Variants in TBC1D8 observed in about 807,000 individuals in gnomAD.
The protein encoded by TBC1D8 is BUB2-like protein 1.
In TBC1D8, 65 loss-of-function variants were observed where a neutral mutation model predicts 118.8. The ratio of observed to expected loss-of-function variants is 0.55; its 90% confidence interval spans 0.45 to 0.67. The LOEUF (loss-of-function observed/expected upper bound fraction) is 0.67. Ranked by LOEUF, TBC1D8 falls within the 30% of genes least tolerant of loss-of-function variation. The pLI is 0.00. For synonymous variants in TBC1D8, 566 were observed against 595.8 expected (o/e 0.95, Z 0.73); for missense variants, 1,376 against 1,471.2 (o/e 0.94, Z 1.06).
chr2:101,099,530 T>C (rs147739993), intron 1 of TBC1D8, among the ~76,000 whole-genome samples: 1,538 of 152,252 alleles, frequency 0.01, 18 homozygotes, highest in Non-Finnish European at 0.015. Flanking sequence ...ATCATCCTGA[T>C]ACCAAAACCA....
intron 5 of TBC1D8, among the ~76,000 whole-genome samples, chr2:101,041,114 T>C (rs901226190): frequency 1.3e-5 from 2 of 152,248 alleles, no homozygotes; most frequent in Admixed American, 6.5e-5. Context: ...GGTGTGGTCA[T>C]GTTGGTAAAC....
At chr2:101,117,072 TG>T (rs1336870902) in intron 1 of TBC1D8, among the ~76,000 whole-genome samples, 1 of 151,964 alleles carries the variant, frequency 6.6e-6, no homozygotes, top group African/African-American at 2.4e-5. Flanking sequence ...CACTGTGTGA[TG>T]ACTGAGGCAG....
intron 3 of TBC1D8, 41 bp downstream of exon 3, chr2:101,059,380 G>C: frequency 6.8e-7 from 1 of 1,479,430 alleles, no homozygotes; most frequent in South Asian, 1.1e-5. Flanking sequence ...AAGGAAGAAA[G>C]ATGGAAAGAT....
chr2:101,100,858 C>G (rs1012930939), intron 1 of TBC1D8, among the ~76,000 whole-genome samples: 1 of 152,120 alleles, frequency 6.6e-6, no homozygotes, highest in Non-Finnish European at 1.5e-5. Context: ...GAAACTGGAC[C>G]CCTTCCTTAC....
At chr2:101,017,074 TAAAAA>T (rs376317331) in intron 17 of TBC1D8, among the ~76,000 whole-genome samples, 5 of 133,020 alleles carry the variant, frequency 3.8e-5, no homozygotes, top group Non-Finnish European at 6.6e-5. Context: ...TTAAAAGTAT[TAAAAA>T]AAAAAAAAAA....
At chr2:101,079,086 A>G (rs1299950055) in intron 2 of TBC1D8, among the ~76,000 whole-genome samples, 1 of 152,176 alleles carries the variant, frequency 6.6e-6, no homozygotes, top group Non-Finnish European at 1.5e-5. Flanking sequence ...AGGCAGCACA[A>G]AGTCATGGTG....
chr2:101,149,006 G>C (rs182203500), intron 1 of TBC1D8, among the ~76,000 whole-genome samples: 1 of 152,144 alleles, frequency 6.6e-6, no homozygotes, highest in Non-Finnish European at 1.5e-5. Flanking sequence ...GCAGGTCAGC[G>C]CTGCTTCATC....
At chr2:101,115,915 G>A (rs961544937) in intron 1 of TBC1D8, among the ~76,000 whole-genome samples, 1 of 152,164 alleles carries the variant, frequency 6.6e-6, no homozygotes, top group Non-Finnish European at 1.5e-5. Context: ...GCCACCAGGA[G>A]AAATGGGGCA....
At chr2:101,140,760 CTTT>C (rs34909669) in intron 1 of TBC1D8, among the ~76,000 whole-genome samples, 3,180 of 131,184 alleles carry the variant, frequency 0.024, 113 homozygotes, top group African/African-American at 0.079. Context: ...TATATTACTA[CTTT>C]TTTTTTTTTT....
chr2:101,008,555 C>T (rs1678925690), intron 19 of TBC1D8, among the ~76,000 whole-genome samples: 1 of 152,166 alleles, frequency 6.6e-6, no homozygotes, highest in Non-Finnish European at 1.5e-5. Flanking sequence ...TGGCTCCCGC[C>T]TGTAATCCCA....
chr2:101,070,478 T>C (rs1419321104), intron 2 of TBC1D8, among the ~76,000 whole-genome samples: 2 of 150,368 alleles, frequency 1.3e-5, no homozygotes, highest in Admixed American at 1.3e-4. Context: ...AGTGGCACAA[T>C]ATCAGCTCAC....
intron 1 of TBC1D8, among the ~76,000 whole-genome samples, chr2:101,092,422 A>G (rs560800952): frequency 6.6e-6 from 1 of 152,308 alleles, no homozygotes; most frequent in Admixed American, 6.5e-5. Flanking sequence ...AGGCTCCTGC[A>G]CTATAAAATT....
intron 1 of TBC1D8, among the ~76,000 whole-genome samples, chr2:101,097,744 T>C (rs746186677): frequency 1.5e-4 from 23 of 152,150 alleles, no homozygotes; most frequent in Non-Finnish European, 2.8e-4. Flanking sequence ...TGCATGCACC[T>C]GCAGTCCCAG....
At chr2:101,147,041 G>A (rs976356621) in intron 1 of TBC1D8, among the ~76,000 whole-genome samples, 29 of 151,726 alleles carry the variant, frequency 1.9e-4, no homozygotes, top group Non-Finnish European at 3.2e-4. Context: ...CGCCAGGCAC[G>A]GTGGCTCACA....
rs750711862 is a variant in TBC1D8, at chr2:101,027,415, C to G, written c.2488G>C (p.Glu830Gln). ...VVIPEVSILP[E>Q]DLEELYDLFK... is the part of the protein sequence containing the mutation. ...AAGTCGTAGAGCTCCTCTAGGTCTT[C>G]AGGAAGAATTGAGACTTCCGGGATA... Residue 830 changes from glutamate (E) to glutamine (Q), a missense_variant, in exon 15 of 20, where the codon GAA becomes CAA. By Grantham distance (29) the Glu-to-Gln change is conservative. Transcript: ENST00000409318. 1.2e-6 allele frequency: 2 copies of G among 1,613,278 alleles called. No homozygotes were observed. Among genetic ancestry groups the G allele is most frequent in the Non-Finnish European group, 1.7e-6 (2 of 1,179,376 alleles).
intron 15 of TBC1D8, among the ~76,000 whole-genome samples, chr2:101,025,399 G>C (rs1430075760): frequency 2.0e-5 from 3 of 152,024 alleles, no homozygotes; most frequent in Non-Finnish European, 1.5e-5. Flanking sequence ...GCTAATTTTT[G>C]TATTTTTAGT....
chr2:101,008,239 C>T lies in TBC1D8; in HGVS notation c.3050G>A (p.Ser1017Asn), dbSNP rs1464766962. Residue 1017 changes from serine to asparagine, a missense_variant, in exon 20 of 20, where the codon AGT (serine) becomes AAT (asparagine). Coordinates refer to ENST00000409318, the MANE Select transcript of TBC1D8 (RefSeq NM_001330348.2). ...EFIQFCKTLY[S>N]MFHEDPEEND... ...TTCTTCTGGATCTTCATGGAACATACTGTACAGAGTTTTACAGAACTGGAT... is the reference window on the plus strand; with the variant it reads ...TTCTTCTGGATCTTCATGGAACATATTGTACAGAGTTTTACAGAACTGGAT... The T allele has an allele frequency of 6.3e-7, 1 of 1,586,250 alleles. No homozygotes were observed. The highest frequency in any genetic ancestry group is 1.8e-5 in the Admixed American group (1 of 57,042).
At chr2:101,027,245 C>G in intron 15 of TBC1D8, 138 bp downstream of exon 15, 2 of 692,034 alleles carry the variant, frequency 2.9e-6, no homozygotes, top group East Asian at 2.8e-5. Context: ...CAGGCTAAGA[C>G]AGCTTCAAGG....
At chr2:101,079,930 C>T (rs531717594) in intron 2 of TBC1D8, among the ~76,000 whole-genome samples, 1 of 152,120 alleles carries the variant, frequency 6.6e-6, no homozygotes, top group South Asian at 2.1e-4. Flanking sequence ...TCATGATCCG[C>T]CTGCTTAGGC....
Sources: gnomAD v4.1 joint callset for allele counts (sites outside exome capture counted in the v4.1 genomes callset) on GRCh38, gnomAD v4.1.1 for gene constraint, MANE v1.5 for transcripts, NCBI Gene and HGNC (gene_info 2026-07-23, HGNC 2026-07-21) for gene names.